The following UNC5D variants were observed in gnomAD, a reference collection of about 807,000 sequenced individuals.
UNC5D encodes netrin receptor UNC5D.
A neutral mutation model predicts 105.4 loss-of-function variants in UNC5D; 39 were observed. That is an observed-to-expected ratio of 0.37 (90% CI 0.29 to 0.48). The LOEUF is 0.48. Ranked by LOEUF, UNC5D falls within the 20% of genes least tolerant of loss-of-function variation. The pLI, the probability that UNC5D is intolerant of heterozygous loss-of-function variation, is 0.98. For synonymous variants in UNC5D, 452 were observed against 450.4 expected (o/e 1.00, Z -0.04); for missense variants, 991 against 1,202.4 (o/e 0.82, Z 2.60).
At position 35,721,318 on chromosome 8, in the gene UNC5D, C is replaced by A. The variant is rs1011859904; in HGVS notation, c.1118-892C>A. On this transcript the variant is annotated intron_variant, in intron 8 of 16. Coordinates refer to ENST00000404895, the MANE Select transcript of UNC5D (RefSeq NM_080872.4). ...TGCAGGAGCCATCATGGATCTGCTA[C>A]AGGAATAACCACATCCAACGCACCT... is the stretch of plus-strand genomic sequence containing the variant. The A allele has an allele frequency of 4.6e-6, 3 of 659,028 alleles. No homozygotes were observed. In the African/African-American group the frequency reaches 5.4e-5, roughly 12 times the overall value. 40.8% of individuals were successfully genotyped at this position (659,028 alleles called of 1,614,324 possible). A position where few individuals can be genotyped will look rare whatever the true frequency, so the allele number is the denominator to read the frequency against.
chr8:35,336,945 C>T (rs892561724), intron 1 of UNC5D, among the ~76,000 whole-genome samples: 1 of 152,234 alleles, frequency 6.6e-6, no homozygotes. Flanking sequence ...TGCCAGCGAG[C>T]AGTTGCTATC....
intron 1 of UNC5D, among the ~76,000 whole-genome samples, chr8:35,413,283 GTGTGTGTGT>G (rs1447619272): frequency 2.4e-4 from 5 of 20,832 alleles, no homozygotes; most frequent in East Asian, 2.7e-3. Context: ...GTGTGTGTGT[GTGTGTGTGT>G]TGTGTGTGTG....
intron 1 of UNC5D, among the ~76,000 whole-genome samples, chr8:35,523,516 C>A (rs892027107): frequency 6.7e-6 from 1 of 149,470 alleles, no homozygotes; most frequent in Admixed American, 6.7e-5. Context: ...AGGATAAAAT[C>A]TAGTTGAAGT....
intron 10 of UNC5D, among the ~76,000 whole-genome samples, chr8:35,729,252 A>G (rs1829059734): frequency 6.6e-6 from 1 of 152,190 alleles, no homozygotes; most frequent in African/African-American, 2.4e-5. Context: ...TTGTCCTCAC[A>G]CATCTTTCTT....
intron 1 of UNC5D, among the ~76,000 whole-genome samples, chr8:35,365,591 C>CAAAAAAAAAAA (rs10715369): frequency 2.0e-4 from 10 of 49,884 alleles, no homozygotes; most frequent in African/African-American, 6.5e-4. Context: ...CCATCCCCTG[C>CAAAAAAAAAAA]AAAAAAAAAA....
chr8:35,392,689 A>C (rs1175006390), intron 1 of UNC5D, among the ~76,000 whole-genome samples: 1 of 152,196 alleles, frequency 6.6e-6, no homozygotes, highest in Admixed American at 6.5e-5. Flanking sequence ...TTTGCCATAT[A>C]AAGTAATACT....
At chr8:35,533,401 A>G (rs6992111) in intron 1 of UNC5D, among the ~76,000 whole-genome samples, 22,456 of 151,392 alleles carry the variant, frequency 0.15, 2,113 homozygotes, top group East Asian at 0.26. Context: ...GCAGTCTGCC[A>G]GTTCTCAGAT....
Position 35,595,535 on chromosome 8 carries a change from A to T in UNC5D, c.467-19A>T. On this transcript the variant is annotated intron_variant, in intron 3 of 16. Transcript: ENST00000404895. ...CTAGACTTGAAACAAAGTGTCACCTATCTCATGCTTCTTTGCAGATTTACG... is the reference window on the plus strand; with the variant it reads ...CTAGACTTGAAACAAAGTGTCACCTTTCTCATGCTTCTTTGCAGATTTACG... The T allele has an allele frequency of 6.2e-7, 1 of 1,611,578 alleles. No homozygotes were observed. The highest frequency in any genetic ancestry group is 8.5e-7 in the Non-Finnish European group (1 of 1,177,758).
At chr8:35,536,825 G>A (rs138330422) in intron 1 of UNC5D, among the ~76,000 whole-genome samples, 20 of 152,076 alleles carry the variant, frequency 1.3e-4, no homozygotes, top group African/African-American at 3.4e-4. Flanking sequence ...GTGAAACCCC[G>A]TCTCTAATAA....
chr8:35,624,738 A>G (rs1412542904), intron 4 of UNC5D, among the ~76,000 whole-genome samples: 1 of 152,182 alleles, frequency 6.6e-6, no homozygotes, highest in Admixed American at 6.5e-5. Context: ...CCACTTAACT[A>G]CAGTTTCATT....
At chr8:35,413,542 GGATGAT>G (rs999052162) in intron 1 of UNC5D, among the ~76,000 whole-genome samples, 9 of 151,272 alleles carry the variant, frequency 5.9e-5, no homozygotes, top group African/African-American at 2.2e-4. Flanking sequence ...TTATTAAAGG[GGATGAT>G]GATGATGATG....
intron 1 of UNC5D, among the ~76,000 whole-genome samples, chr8:35,389,184 A>G (rs1346409914): frequency 6.6e-6 from 1 of 152,210 alleles, no homozygotes; most frequent in East Asian, 1.9e-4. Flanking sequence ...CTTGGGGTCC[A>G]TTTCTGGAGA....
chr8:35,790,130 G>A (rs1802969322), intron 16 of UNC5D, among the ~76,000 whole-genome samples: 1 of 151,986 alleles, frequency 6.6e-6, no homozygotes, highest in Non-Finnish European at 1.5e-5. Flanking sequence ...AAACAAGAAA[G>A]ACAAAACAAG....
chr8:35,605,534 A>G (rs1586232847), intron 4 of UNC5D, among the ~76,000 whole-genome samples: 1 of 152,154 alleles, frequency 6.6e-6, no homozygotes, highest in Non-Finnish European at 1.5e-5. Flanking sequence ...TCAGATCTCA[A>G]GCTGTGTGCT....
At chr8:35,538,968 T>A (rs545070891) in intron 1 of UNC5D, among the ~76,000 whole-genome samples, 5 of 152,252 alleles carry the variant, frequency 3.3e-5, no homozygotes, top group African/African-American at 1.2e-4. Flanking sequence ...ATATAAATTT[T>A]GGTGTAATAT....
chr8:35,269,801 A>G (rs890075215), intron 1 of UNC5D, among the ~76,000 whole-genome samples: 1 of 152,086 alleles, frequency 6.6e-6, no homozygotes, highest in Non-Finnish European at 1.5e-5. Context: ...TTAGGAGACT[A>G]TGTTTACAGG....
intron 1 of UNC5D, among the ~76,000 whole-genome samples, chr8:35,493,062 CAG>C (rs950807084): frequency 6.6e-6 from 1 of 151,874 alleles, no homozygotes; most frequent in African/African-American, 2.4e-5. Flanking sequence ...AGGAAACTTG[CAG>C]AGAGAGTGCT....
chr8:35,291,483 C>T (rs932825338), intron 1 of UNC5D, among the ~76,000 whole-genome samples: 5 of 152,198 alleles, frequency 3.3e-5, no homozygotes, highest in African/African-American at 1.2e-4. Flanking sequence ...TAATTCAGCA[C>T]ATCCATGGGC....
chr8:35,335,866 C>A (rs2128897142), intron 1 of UNC5D, among the ~76,000 whole-genome samples: 1 of 146,152 alleles, frequency 6.8e-6, no homozygotes, highest in Non-Finnish European at 1.5e-5. Flanking sequence ...CGGGTTCATG[C>A]CATTCTCCTG....
Sources: allele counts gnomAD v4.1 joint callset (sites outside exome capture counted in the v4.1 genomes callset), GRCh38; gene constraint gnomAD v4.1.1; transcripts MANE v1.5; gene names NCBI Gene and HGNC (gene_info 2026-07-23, HGNC 2026-07-21).